Variants in CUL5 observed in about 807,000 individuals in gnomAD.
The protein encoded by CUL5 is cullin-5.
In CUL5, 26 loss-of-function variants were observed where a neutral mutation model predicts 108.8. The observed-to-expected ratio is 0.24, with a 90% CI of 0.18 to 0.33. The LOEUF is 0.33. Among genes scored for constraint, CUL5 ranks in the 10% least tolerant of loss-of-function variants. The pLI is 1.00. For synonymous variants in CUL5, 334 were observed against 298.0 expected (o/e 1.12, Z -1.25); for missense variants, 524 against 909.2 (o/e 0.58, Z 5.45).
rs547463995 is a variant in CUL5, at chr11:108,056,272, T to G, written c.780+1317T>G. Among the ~76,000 whole-genome samples, 8 of 152,328 alleles carry G rather than the reference T, an allele frequency of 5.3e-5. No individual in the cohort carries two copies. In the South Asian group the frequency reaches 1.2e-3, roughly 24 times the overall value. On this transcript the variant is annotated intron_variant, in intron 7 of 18. Transcript: ENST00000393094. Reference sequence around the variant, plus strand: ...CAGTCTTTGGAGCCTTGATTTAGATTTGCATTCTCAGGAATAACATTCTAG... The same window carrying G: ...CAGTCTTTGGAGCCTTGATTTAGATGTGCATTCTCAGGAATAACATTCTAG...
chr11:108,088,638 T>G lies in CUL5; in HGVS notation c.1290T>G (p.Ile430Met). The G allele has an allele frequency of 6.3e-7, 1 of 1,595,226 alleles. No individual in the cohort carries two copies. The highest frequency in any genetic ancestry group is 8.5e-7 in the Non-Finnish European group (1 of 1,174,392). Residue 430 changes from isoleucine (I) to methionine (M), a missense_variant, in exon 12 of 19, where the codon ATT becomes ATG. Transcript: ENST00000393094. ...PLSKKLTSEE[I>M]EAKLKEVLLV... ...GCAAAAAACTAACCTCTGAAGAGAT[T>G]GAAGCAAAGCTTAAAGAAGTGGTAC...
chr11:108,073,342 GTTATTC>G (rs745573223), intron 9 of CUL5, 42 bp from the exon 10 acceptor site: 7 of 808,712 alleles, frequency 8.7e-6, no homozygotes, highest in South Asian at 1.8e-5. Context: ...ATTTTTTTGT[GTTATTC>G]TTTTTCTTTT....
At chr11:108,073,958 A>G (rs1863887217) in intron 10 of CUL5, 2 of 153,078 alleles carry the variant, frequency 1.3e-5, no homozygotes, top group Non-Finnish European at 2.9e-5. Context: ...AAGCATTTGT[A>G]TTGCATACCA....
intron 10 of CUL5, among the ~76,000 whole-genome samples, chr11:108,075,623 A>G (rs1195038255): frequency 6.6e-6 from 1 of 151,714 alleles, no homozygotes; most frequent in Non-Finnish European, 1.5e-5. Flanking sequence ...GCAGCCTTGA[A>G]CTCCTGGGCT....
At position 108,075,817 on chromosome 11, in the gene CUL5, G is replaced by GC. The variant is rs541403773; in HGVS notation, c.1113+2325dup. Reference sequence around the variant, plus strand: ...TTATAGACGTGAGCCACCACCCCTGGCCCCCTTTCCCTTTAAATCATGTTC... The same window carrying GC: ...TTATAGACGTGAGCCACCACCCCTGGCCCCCCTTTCCCTTTAAATCATGTTC... On this transcript the variant is annotated intron_variant, in intron 10 of 18. Transcript: ENST00000393094. Among the ~76,000 whole-genome samples, 251 of 152,188 alleles carry GC rather than the reference G, an allele frequency of 1.6e-3. 1 individual carries two copies. Among genetic ancestry groups the GC allele is most frequent in the African/African-American group, 5.9e-3 (246 of 41,526 alleles).
At chr11:108,096,218 A>G (rs1295247513) in intron 16 of CUL5, among the ~76,000 whole-genome samples, 4 of 151,284 alleles carry the variant, frequency 2.6e-5, no homozygotes, top group African/African-American at 9.7e-5. Context: ...AGGCTGGGGC[A>G]GTGGCTCATG....
intron 1 of CUL5, among the ~76,000 whole-genome samples, chr11:108,030,155 A>G (rs570573139): frequency 6.6e-6 from 1 of 152,376 alleles, no homozygotes; most frequent in Non-Finnish European, 1.5e-5. Flanking sequence ...AAGTTATTGT[A>G]CAAAGTATAT....
At chr11:108,060,607 G>A (rs1322489662) in intron 7 of CUL5, among the ~76,000 whole-genome samples, 1 of 152,084 alleles carries the variant, frequency 6.6e-6, no homozygotes, top group African/African-American at 2.4e-5. Context: ...AGGCCGAGGC[G>A]GGTGGATCAC....
intron 2 of CUL5, among the ~76,000 whole-genome samples, chr11:108,039,510 T>C (rs1023588691): frequency 6.6e-6 from 1 of 152,224 alleles, no homozygotes; most frequent in Non-Finnish European, 1.5e-5. Flanking sequence ...TTACCCATTT[T>C]TAAGTGTACA....
chr11:108,066,570 C>T (rs1004302481), intron 7 of CUL5, among the ~76,000 whole-genome samples: 4 of 152,120 alleles, frequency 2.6e-5, no homozygotes, highest in African/African-American at 9.6e-5. Flanking sequence ...TCTTTTAACT[C>T]ACCTTGTAAT....
chr11:108,011,137 G>C (rs1490042795), intron 1 of CUL5, among the ~76,000 whole-genome samples: 1 of 152,158 alleles, frequency 6.6e-6, no homozygotes, highest in South Asian at 2.1e-4. Flanking sequence ...ATTTTGACTT[G>C]TTGATTACCT....
intron 1 of CUL5, among the ~76,000 whole-genome samples, chr11:108,020,934 G>A (rs1004935972): frequency 6.6e-6 from 1 of 152,114 alleles, no homozygotes; most frequent in Non-Finnish European, 1.5e-5. Flanking sequence ...TCCATTCATG[G>A]TGAGTGCCCA....
Position 108,070,135 on chromosome 11 carries a change from A to G in CUL5, c.820A>G (p.Lys274Glu). The G allele has an allele frequency of 6.2e-7, 1 of 1,612,148 alleles. No homozygotes were observed. Among genetic ancestry groups the G allele is most frequent in the South Asian group, 1.1e-5 (1 of 90,796 alleles). ...CCVNALVTSF[K>E]ETILAECQGM... ...TGTAAATGCCCTGGTGACATCATTT[A>G]AAGAGACTATCTTAGCTGAGTGCCA... Residue 274 changes from lysine (K) to glutamate (E), a missense_variant, in exon 8 of 19, where the codon AAA becomes GAA. Around this residue, in one of 8 missense-constraint regions of CUL5, gnomAD observed 170 missense variants for 305.1 expected, o/e 0.56. Transcript: ENST00000393094.
chr11:108,082,133 C>A (rs1864102414), intron 11 of CUL5, among the ~76,000 whole-genome samples: 2 of 152,156 alleles, frequency 1.3e-5, no homozygotes, highest in Admixed American at 6.5e-5. Context: ...GTGTACAAGT[C>A]TTCCACATTC....
chr11:108,053,537 ACTTCAC>A (rs905469172), intron 5 of CUL5, among the ~76,000 whole-genome samples: 1 of 152,170 alleles, frequency 6.6e-6, no homozygotes, highest in African/African-American at 2.4e-5. Flanking sequence ...CAGACATTAA[ACTTCAC>A]ATGCAGAGTT....
chr11:108,046,300 T>G lies in CUL5; in HGVS notation c.165T>G (p.Asp55Glu). 6.2e-7 allele frequency: 1 copy of G among 1,613,204 alleles called. No individual in the cohort carries two copies. The highest frequency in any genetic ancestry group is 8.5e-7 in the Non-Finnish European group (1 of 1,179,540). The change falls in exon 3 of 19, where the codon GAT (aspartate) becomes GAG (glutamate). Residue 55 changes from aspartate to glutamate, a missense_variant. By Grantham distance (45) the Asp-to-Glu change is conservative. Around this residue, in one of 8 missense-constraint regions of CUL5, gnomAD observed 76 missense variants for 90.8 expected, o/e 0.84. Coordinates refer to ENST00000393094, the MANE Select transcript of CUL5 (RefSeq NM_003478.6). Reference sequence around the variant, plus strand: ...TGCATGCAGTCTGTCTTTGGGATGATAAAGGCCCAGCAAAAATTCATCAGG... The same window carrying G: ...TGCATGCAGTCTGTCTTTGGGATGAGAAAGGCCCAGCAAAAATTCATCAGG... ...SDVHAVCLWD[D>E]KGPAKIHQAL...
intron 2 of CUL5, among the ~76,000 whole-genome samples, chr11:108,038,902 C>G (rs1862816694): frequency 6.6e-6 from 1 of 151,868 alleles, no homozygotes; most frequent in Non-Finnish European, 1.5e-5. Context: ...GAGATTTTCC[C>G]CCCTTTTCTC....
intron 3 of CUL5, 87 bp from the exon 4 acceptor site, chr11:108,049,803 T>C (rs958015215): frequency 4.9e-6 from 5 of 1,029,100 alleles, no homozygotes; most frequent in East Asian, 2.6e-5. Context: ...TTAAAAATTA[T>C]GTACAATTTA....
intron 13 of CUL5, among the ~76,000 whole-genome samples, chr11:108,090,094 G>A (rs974719471): frequency 1.5e-4 from 22 of 151,716 alleles, no homozygotes; most frequent in Admixed American, 3.9e-4. Flanking sequence ...TCTAATAAAT[G>A]TTCTTAATAC....
Sources: allele counts gnomAD v4.1 joint callset (sites outside exome capture counted in the v4.1 genomes callset), GRCh38; gene constraint gnomAD v4.1.1; regional missense constraint gnomAD v4.1.1; transcripts MANE v1.5; gene names NCBI Gene and HGNC (gene_info 2026-07-23, HGNC 2026-07-21).